MGAT5: variants seen among roughly 807,000 people sequenced by gnomAD.
MGAT5 encodes the protein alpha-1,6-mannosylglycoprotein 6-beta-N-acetylglucosaminyltransferase, also known as alpha-1,6-mannosylglycoprotein 6-beta-N-acetylglucosaminyltransferase A.
In MGAT5, 30 loss-of-function variants were observed where a neutral mutation model predicts 94.3. The observed-to-expected ratio is 0.32, with a 90% CI of 0.24 to 0.43. MGAT5 has a LOEUF of 0.43. Ranked by LOEUF, MGAT5 falls within the 20% of genes least tolerant of loss-of-function variation. The pLI is 1.00. For synonymous variants in MGAT5, 310 were observed against 322.9 expected, an observed-to-expected ratio of 0.96 and a Z score of 0.43; for missense variants, 691 against 905.5, an observed-to-expected ratio of 0.76 and a Z score of 3.04.
chr2:134,357,052 G>A (rs1679790229), intron 9 of MGAT5, among the ~76,000 whole-genome samples: 1 of 152,166 alleles, frequency 6.6e-6, no homozygotes, highest in Non-Finnish European at 1.5e-5. Context: ...AATTTTAGCT[G>A]CTTTGTTTAT....
intron 1 of MGAT5, among the ~76,000 whole-genome samples, chr2:134,219,154 C>T (rs12989489): frequency 0.047 from 7,115 of 152,178 alleles, 367 homozygotes; most frequent in African/African-American, 0.11. Flanking sequence ...AGCCACCTGT[C>T]GGGGTGCAGC....
At chr2:134,263,854 A>G (rs1683489222) in intron 1 of MGAT5, among the ~76,000 whole-genome samples, 1 of 152,092 alleles carries the variant, frequency 6.6e-6, no homozygotes, top group Non-Finnish European at 1.5e-5. Context: ...TAAAGAATAA[A>G]TACACTCTTT....
chr2:134,194,374 T>C lies in MGAT5; in HGVS notation c.-142-59888T>C, dbSNP rs573234228. ...GTGGGGGTGGGGGCAGAAAAAATGG[T>C]CCTTGTGGCTTTAATACTACTGCTG... On this transcript the variant is annotated intron_variant, in intron 1 of 16. Transcript: ENST00000409645. Among the ~76,000 whole-genome samples, 44 of 152,184 alleles carry C rather than the reference T, an allele frequency of 2.9e-4. No individual in the cohort carries two copies. The South Asian group carries it at 8.7e-3, about 30-fold the overall frequency.
chr2:134,380,795 C>T (rs955192383), intron 10 of MGAT5, among the ~76,000 whole-genome samples: 2 of 152,158 alleles, frequency 1.3e-5, no homozygotes, highest in Non-Finnish European at 2.9e-5. Flanking sequence ...AGCGCAAGAA[C>T]CTGGTTTCAT....
chr2:134,138,556 A>C (rs907281179), intron 1 of MGAT5, among the ~76,000 whole-genome samples: 2 of 152,178 alleles, frequency 1.3e-5, no homozygotes, highest in Non-Finnish European at 2.9e-5. Context: ...TGACAACCAA[A>C]AGGTGAGGAC....
intron 15 of MGAT5, among the ~76,000 whole-genome samples, chr2:134,445,899 A>C (rs1035578728): frequency 1.3e-5 from 2 of 152,178 alleles, no homozygotes; most frequent in Non-Finnish European, 2.9e-5. Context: ...CGATTGGGGA[A>C]AGCTGCTTTG....
At position 134,254,420 on chromosome 2, in the gene MGAT5, C is replaced by G; in HGVS notation, c.17C>G (p.Pro6Arg). ...CAGAGAGCAATGGCTCTCTTCACTC[C>G]GTGGAAGTTGTCCTCTCAGAAGCTG... MALFT[P>R]WKLSSQKLGF... Residue 6 changes from proline (P) to arginine (R), a missense_variant, in exon 1 of 16, where the codon CCG becomes CGG. Transcript: ENST00000281923. The G allele has an allele frequency of 3.7e-6, 6 of 1,614,200 alleles. No homozygotes were observed. The highest frequency in any genetic ancestry group is 5.1e-6 in the Non-Finnish European group (6 of 1,180,038).
intron 8 of MGAT5, among the ~76,000 whole-genome samples, chr2:134,346,061 A>G (rs1688909508): frequency 6.6e-6 from 1 of 152,160 alleles, no homozygotes; most frequent in African/African-American, 2.4e-5. Flanking sequence ...ATAGTGCTCT[A>G]CCTTTTGCAT....
At chr2:134,278,914 C>G (rs1684536557) in intron 2 of MGAT5, among the ~76,000 whole-genome samples, 1 of 152,178 alleles carries the variant, frequency 6.6e-6, no homozygotes, top group Non-Finnish European at 1.5e-5. Context: ...CCCCTCACAT[C>G]CCAGAGGTTT....
intron 3 of MGAT5, among the ~76,000 whole-genome samples, 199 bp downstream of exon 3, chr2:134,317,804 A>G (rs760178534): frequency 3.9e-5 from 6 of 152,134 alleles, no homozygotes; most frequent in South Asian, 4.1e-4. Context: ...GGGTTGGTCA[A>G]CAGTGGCTCT....
chr2:134,196,696 C>T (rs1186709130), intron 1 of MGAT5, among the ~76,000 whole-genome samples: 3 of 152,220 alleles, frequency 2.0e-5, no homozygotes, highest in Non-Finnish European at 1.5e-5. Flanking sequence ...TGGCCCAGGA[C>T]GGCTTTGAAT....
At chr2:134,190,181 T>C (rs1689296239) in intron 1 of MGAT5, among the ~76,000 whole-genome samples, 1 of 152,154 alleles carries the variant, frequency 6.6e-6, no homozygotes, top group Non-Finnish European at 1.5e-5. Context: ...GCAGGCTGTC[T>C]TTCTGCTTTA....
At chr2:134,238,853 G>A (rs553813828) in intron 1 of MGAT5, among the ~76,000 whole-genome samples, 6 of 152,128 alleles carry the variant, frequency 3.9e-5, no homozygotes, top group Non-Finnish European at 8.8e-5. Context: ...TGAGGTGGGA[G>A]AATCGCTGGA....
intron 1 of MGAT5, among the ~76,000 whole-genome samples, chr2:134,266,160 C>CAAAAAAAAA (rs371430614): frequency 8.9e-6 from 1 of 112,600 alleles, no homozygotes; most frequent in African/African-American, 3.4e-5. Flanking sequence ...GACTCCATCT[C>CAAAAAAAAA]AAAAAAAAAA....
At chr2:134,247,253 G>C (rs1573606328) in intron 1 of MGAT5, among the ~76,000 whole-genome samples, 1 of 151,256 alleles carries the variant, frequency 6.6e-6, no homozygotes, top group East Asian at 1.9e-4. Flanking sequence ...AGTCAGGCAA[G>C]CAGCCTTGGA....
rs35922830 is a variant in MGAT5 at position 134,283,645 on chromosome 2, C to CTTT, written c.406+13121_406+13123dup. ...AAGCCATTGTTGAGGAATGTAGTAT[C>CTTT]TTTTTTTTTTTTTTTTTTTTTTTTT... On this transcript the variant is annotated intron_variant, in intron 2 of 15. Transcript: ENST00000281923. 4.0e-3 allele frequency among the ~76,000 whole-genome samples: 278 copies of CTTT among 69,066 alleles called. 33 individuals carry two copies. The highest frequency in any genetic ancestry group is 0.017 in the African/African-American group (253 of 14,498). 45.3% of individuals were successfully genotyped at this position (69,066 alleles called of 152,430 possible).
At chr2:134,396,958 G>T (rs1478009100) in intron 10 of MGAT5, among the ~76,000 whole-genome samples, 1 of 152,242 alleles carries the variant, frequency 6.6e-6, no homozygotes, top group Non-Finnish European at 1.5e-5. Flanking sequence ...AGAAAAGGAG[G>T]GAGGAGAGAA....
chr2:134,381,400 AGATAGAT>A (rs1681585974), intron 10 of MGAT5, among the ~76,000 whole-genome samples: 1 of 79,348 alleles, frequency 1.3e-5, no homozygotes, highest in Admixed American at 1.3e-4. Context: ...ATAGATAGAT[AGATAGAT>A]AGATAGATAG....
At position 134,422,890 on chromosome 2, in the gene MGAT5, G is replaced by A. The variant is rs573637058; in HGVS notation, c.1765G>A (p.Asp589Asn). Residue 589 changes from aspartate to asparagine, a missense_variant, in exon 13 of 16, where the codon GAT becomes AAT. Coordinates refer to ENST00000281923, the MANE Select transcript of MGAT5 (RefSeq NM_002410.5). ...VDLNNQEEVEDAVKAILNQKI... is the reference protein window; with the variant it reads ...VDLNNQEEVENAVKAILNQKI... ...CCTCAACAATCAGGAGGAAGTAGAGGATGCAGTGAAAGCAATTTTAAATCA... is the reference window on the plus strand; with the variant it reads ...CCTCAACAATCAGGAGGAAGTAGAGAATGCAGTGAAAGCAATTTTAAATCA... 4 of 1,613,758 alleles carry A rather than the reference G, an allele frequency of 2.5e-6. No homozygotes were observed. Among genetic ancestry groups the A allele is most frequent in the Non-Finnish European group, 3.4e-6 (4 of 1,179,704 alleles).
Sources: allele counts gnomAD v4.1 joint callset (sites outside exome capture counted in the v4.1 genomes callset), GRCh38; gene constraint gnomAD v4.1.1; transcripts MANE v1.5; gene names NCBI Gene and HGNC (gene_info 2026-07-23, HGNC 2026-07-21).